Variants in PTPRB observed in about 807,000 individuals in gnomAD.
PTPRB encodes receptor-type tyrosine-protein phosphatase beta.
PTPRB carries 97 observed loss-of-function variants against 238.1 expected under a neutral mutation model. That is an observed-to-expected ratio of 0.41 (90% confidence interval 0.35 to 0.48). The LOEUF (loss-of-function observed/expected upper bound fraction) is 0.48. PTPRB is among the 20% of genes least tolerant of loss of function. The probability of loss-of-function intolerance (pLI) is 0.30; values close to 1 mark genes in which losing one functional copy is unlikely to be tolerated. For synonymous variants in PTPRB, 970 were observed against 995.4 expected (o/e 0.97, Z 0.48); for missense variants, 2,292 against 2,681.9 (o/e 0.85, Z 3.21).
chr12:70,526,735 G>A (rs1872499532), intron 32 of PTPRB, among the ~76,000 whole-genome samples: 1 of 152,124 alleles, frequency 6.6e-6, no homozygotes, highest in Admixed American at 6.5e-5. Context: ...ACACCTCCCT[G>A]TTTCCTCCCA....
intron 11 of PTPRB, among the ~76,000 whole-genome samples, chr12:70,572,661 C>T (rs1271076939): frequency 2.6e-5 from 4 of 151,004 alleles, no homozygotes; most frequent in South Asian, 2.1e-4. Context: ...TCCAGCTACT[C>T]GGGAGGCTGA....
chr12:70,563,934 C>T (rs1878863115), intron 15 of PTPRB, among the ~76,000 whole-genome samples: 2 of 152,172 alleles, frequency 1.3e-5, no homozygotes. Context: ...CCCCTGCATT[C>T]ATTCAGCTAT....
At chr12:70,590,276 A>G (rs1023592072) in intron 7 of PTPRB, 43 bp from the exon 8 acceptor site, 2 of 1,496,438 alleles carry the variant, frequency 1.3e-6, no homozygotes, top group African/African-American at 1.4e-5. Flanking sequence ...TTACAGACCA[A>G]AAGTAAGGAT....
At chr12:70,524,630 C>T in intron 32 of PTPRB, 39 bp from the exon 33 acceptor site, 1 of 1,555,474 alleles carries the variant, frequency 6.4e-7, no homozygotes. Context: ...AGGGCCTGTT[C>T]TCATGCATAA....
chr12:70,609,928 C>G (rs904380695), intron 3 of PTPRB: 2 of 966,886 alleles, frequency 2.1e-6, no homozygotes, highest in East Asian at 6.6e-5. Context: ...GTGGGCGCAG[C>G]GCGCTTCCCT....
At chr12:70,526,182 A>C (rs1215894668) in intron 32 of PTPRB, among the ~76,000 whole-genome samples, 2 of 152,114 alleles carry the variant, frequency 1.3e-5, no homozygotes, top group African/African-American at 4.8e-5. Context: ...TAATCAATAG[A>C]TAAGAACATT....
At chr12:70,626,573 T>C (rs1433338094) in intron 2 of PTPRB, among the ~76,000 whole-genome samples, 2 of 152,206 alleles carry the variant, frequency 1.3e-5, no homozygotes, top group East Asian at 3.9e-4. Flanking sequence ...CGCTAAGCAA[T>C]ACAACAACTA....
In PTPRB at chr12:70,617,826, C is replaced by A. The variant is rs1244966577; in HGVS notation, c.708+4564G>T. ...TGGCTATTCATGAACTGAGGAAATG[C>A]AATCCTTCTCCCAGGCCGGAGCAAG... On this transcript the variant is annotated intron_variant, in intron 3 of 33. Coordinates refer to ENST00000334414, the MANE Select transcript of PTPRB (RefSeq NM_001109754.4). 2.3e-5 allele frequency among the ~76,000 whole-genome samples: 3 copies of A among 131,714 alleles called. No individual in the cohort carries two copies. In the East Asian group the frequency reaches 8.1e-4, roughly 36 times the overall value. 86.4% of individuals were successfully genotyped at this position (131,714 alleles called of 152,430 possible). A position where few individuals can be genotyped will look rare whatever the true frequency, so the allele number is the denominator to read the frequency against.
In PTPRB at chr12:70,552,932, A is replaced by C; in HGVS notation, c.5232T>G (p.Thr1744=). ...CGGCACATTTGCTGGCAAAATAATT[A>C]GTCTGATACACCCGAATGGAGGCAT... ...RHNASIRVYQ[T]NYFASKCAEN... The change falls in exon 21 of 34, where the codon ACT becomes ACG. Residue 1744 remains threonine (T), a synonymous_variant. Coordinates refer to ENST00000334414, the MANE Select transcript of PTPRB (RefSeq NM_001109754.4). 2 of 1,613,986 alleles carry C rather than the reference A, an allele frequency of 1.2e-6. No individual in the cohort carries two copies. Among genetic ancestry groups the C allele is most frequent in the Non-Finnish European group, 1.7e-6 (2 of 1,179,870 alleles).
chr12:70,631,512 G>A (rs1380943475), intron 2 of PTPRB, among the ~76,000 whole-genome samples: 1 of 152,168 alleles, frequency 6.6e-6, no homozygotes, highest in Non-Finnish European at 1.5e-5. Flanking sequence ...TCAGGACATA[G>A]GCATGGGCAA....
At chr12:70,559,125 A>G (rs922863129) in intron 18 of PTPRB, 1 of 610,032 alleles carries the variant, frequency 1.6e-6, no homozygotes, top group Non-Finnish European at 2.9e-6. Flanking sequence ...AGTACGTCCT[A>G]CCTAATTGTA....
intron 2 of PTPRB, among the ~76,000 whole-genome samples, chr12:70,629,410 C>A (rs2136601858): frequency 6.6e-6 from 1 of 152,240 alleles, no homozygotes; most frequent in South Asian, 2.1e-4. Context: ...AGAACAAAGA[C>A]ACAATGTACA....
chr12:70,594,539 A>G lies in PTPRB; in HGVS notation c.1444T>C (p.Tyr482His), dbSNP rs1592556937. 1 of 1,613,890 alleles carries G rather than the reference A, an allele frequency of 6.2e-7. No individual in the cohort carries two copies. Among genetic ancestry groups the G allele is most frequent in the East Asian group, 2.2e-5 (1 of 44,888 alleles). ...SYAFHGLTPG[Y>H]LYNLTVMTEA... ...GTCATAACAGTGAGGTTGTAGAGGTAGCCAGGGGTCAGCCCGTGAAAAGCA... is the reference window on the plus strand; with the variant it reads ...GTCATAACAGTGAGGTTGTAGAGGTGGCCAGGGGTCAGCCCGTGAAAAGCA... The change falls in exon 6 of 34, where the codon TAC becomes CAC. Residue 482 changes from tyrosine (Y) to histidine (H), a missense_variant. Tyr to His is a moderately conservative substitution (Grantham distance 83). Transcript: ENST00000334414.
rs34092195 is a variant in PTPRB, at chr12:70,590,590, C to CTT, written c.1781-359_1781-358dup. On this transcript the variant is annotated intron_variant, in intron 7 of 33. Transcript: ENST00000334414. ...ATTAATGTTCTTGCAAGATTAAGTT[C>CTT]TTTTTTTTTTTTTTTTTTTTGCTTA... is the stretch of plus-strand genomic sequence containing the variant. 1.5e-3 allele frequency among the ~76,000 whole-genome samples: 164 copies of CTT among 105,984 alleles called. 1 individual carries two copies. Among genetic ancestry groups the CTT allele is most frequent in the Middle Eastern group, 0.012 (2 of 170 alleles). 69.5% of individuals were successfully genotyped at this position (105,984 alleles called of 152,430 possible).
Position 70,636,028 on chromosome 12 carries a change from G to C in PTPRB, c.94C>G (p.Leu32Val), listed in dbSNP as rs750441030. The change falls in exon 2 of 34, where the codon CTT becomes GTT. Residue 32 changes from leucine to valine, a missense_variant. This residue lies in a region of PTPRB where 1,205 missense variants were observed against 1,287.8 expected (regional missense o/e 0.94). Coordinates refer to ENST00000334414, the MANE Select transcript of PTPRB (RefSeq NM_001109754.4). Reference sequence around the variant, plus strand: ...ACGACCACTTTCTCATTTTTGAAAAGACACTGTTGTTTCTGGACATGGACA... The same window carrying C: ...ACGACCACTTTCTCATTTTTGAAAACACACTGTTGTTTCTGGACATGGACA... ...QIVHVQKQQC[L>V]FKNEKVVVGS... 1.9e-6 allele frequency: 3 copies of C among 1,613,424 alleles called. No homozygotes were observed. Among genetic ancestry groups the C allele is most frequent in the Non-Finnish European group, 2.5e-6 (3 of 1,179,636 alleles).
At position 70,571,977 on chromosome 12, in the gene PTPRB, T is replaced by A; in HGVS notation, c.2953A>T (p.Lys985Ter). 6.2e-7 allele frequency: 1 copy of A among 1,613,988 alleles called. No individual in the cohort carries two copies. Among genetic ancestry groups the A allele is most frequent in the Non-Finnish European group, 8.5e-7 (1 of 1,179,884 alleles). Residue 985 changes from lysine to a stop codon, truncating the protein, a stop_gained, in exon 12 of 34, where the codon AAA becomes TAA. Coordinates refer to ENST00000334414, the MANE Select transcript of PTPRB (RefSeq NM_001109754.4). LOFTEE classifies it high-confidence loss of function. ...GTTTGAATGAAGTTGTTTTTGTTTT[T>A]AATGGTGACTTCATAGTGATCAAAG... is the stretch of plus-strand genomic sequence containing the variant. Reference protein sequence around the residue: ...GDFDHYEVTIKNKNNFIQTKS... With the variant: ...GDFDHYEVTI
chr12:70,622,584 T>A lies in PTPRB; in HGVS notation c.514A>T (p.Thr172Ser). The change falls in exon 3 of 34, where the codon ACT becomes TCT. Residue 172 changes from threonine to serine, a missense_variant. Physicochemically the swap from Thr to Ser is moderately conservative, Grantham distance 58. Transcript: ENST00000334414. ...TRNTAPPQILTTFNAVPDGLV... is the reference protein window; with the variant it reads ...TRNTAPPQILSTFNAVPDGLV... ...CCATCTGGAACTGCATTAAAGGTAG[T>A]GAGAATCTGGGGTGGAGCCGTGTTT... 6.3e-7 allele frequency: 1 copy of A among 1,594,270 alleles called. No homozygotes were observed. The highest frequency in any genetic ancestry group is 8.6e-7 in the Non-Finnish European group (1 of 1,169,534).
intron 31 of PTPRB, among the ~76,000 whole-genome samples, chr12:70,533,404 A>ATATT (rs1176486271): frequency 2.6e-5 from 4 of 152,174 alleles, no homozygotes; most frequent in African/African-American, 9.6e-5. Context: ...TCCCTGCTCC[A>ATATT]TATTTATTAG....
At chr12:70,542,573 G>A (rs1421188610) in intron 22 of PTPRB, 9 of 103,910 alleles carry the variant, frequency 8.7e-5, no homozygotes, top group African/African-American at 4.0e-4. Flanking sequence ...GCAAGACTCC[G>A]TCTTGAAAAA....
Sources: gnomAD v4.1 joint callset for allele counts (sites outside exome capture counted in the v4.1 genomes callset) on GRCh38, gnomAD v4.1.1 for gene constraint, gnomAD v4.1.1 regional missense constraint, MANE v1.5 for transcripts, NCBI Gene and HGNC (gene_info 2026-07-23, HGNC 2026-07-21) for gene names.